Variants in COL4A6 observed in about 807,000 individuals in gnomAD.
The protein encoded by COL4A6 is collagen type IV alpha 6 chain.
A neutral mutation model predicts 126.7 loss-of-function variants in COL4A6; 59 were observed. The observed-to-expected ratio is 0.47, with a 90% CI of 0.38 to 0.58. The LOEUF is 0.58. Ranked by LOEUF, COL4A6 falls within the 20% of genes least tolerant of loss-of-function variation. COL4A6 has a pLI of 0.00. For synonymous variants in COL4A6, 547 were observed against 496.6 expected (o/e 1.10, Z -1.35); for missense variants, 1,285 against 1,337.3 (o/e 0.96, Z 0.61).
At chrX:108,299,321 G>A (rs922645608) in intron 3 of COL4A6, among the ~76,000 whole-genome samples, 3 of 111,869 alleles carry the variant, frequency 2.7e-5, no homozygotes, top group Non-Finnish European at 5.6e-5. Flanking sequence ...TGAGCTTTGT[G>A]AAGTTTAAGG....
chrX:108,187,370 C>G (rs2034901444), intron 22 of COL4A6, 91 bp from the exon 23 acceptor site: 2 of 750,468 alleles, frequency 2.7e-6, no homozygotes, highest in Non-Finnish European at 3.7e-6. Flanking sequence ...GCCAGTGTGA[C>G]CAATGCTTTG....
intron 2 of COL4A6, among the ~76,000 whole-genome samples, chrX:108,356,601 C>A (rs2039966259): frequency 9.0e-6 from 1 of 110,782 alleles, no homozygotes; most frequent in African/African-American, 3.3e-5. Flanking sequence ...CCCTGAGCCC[C>A]AAGACTTAAA....
chrX:108,161,599 CTAA>C lies in COL4A6; in HGVS notation c.4333+17_4333+19del. On this transcript the variant is annotated intron_variant, in intron 42 of 44. Transcript: ENST00000334504. ...CCACCATCCCCGCCCCGCCCGCCTC[CTAA>C]TGTGGCATCATCAGACCTTCAAATC... The C allele has an allele frequency of 1.1e-6, 1 of 887,949 alleles. No homozygotes were observed. The highest frequency in any genetic ancestry group is 2.9e-4 in the Middle Eastern group (1 of 3,447). The allele number at this position is 887,949 out of a possible 1,213,427, so 73.2% of individuals were successfully genotyped here. A position where few individuals can be genotyped will look rare whatever the true frequency, so the allele number is the denominator to read the frequency against.
chrX:108,412,401 T>C (rs189655281), intron 2 of COL4A6, among the ~76,000 whole-genome samples: 6 of 111,816 alleles, frequency 5.4e-5, no homozygotes, highest in African/African-American at 1.9e-4. Context: ...GAACATATAG[T>C]CTCTCACGCT....
chrX:108,160,397 G>A (rs2033884547), intron 43 of COL4A6, 66 bp downstream of exon 43: 40 of 1,050,568 alleles, frequency 3.8e-5, no homozygotes, highest in Non-Finnish European at 4.8e-5. Context: ...TGGGAGAAGA[G>A]AGGGGTTGGC....
chrX:108,382,698 G>C (rs2040584024), intron 2 of COL4A6, among the ~76,000 whole-genome samples: 2 of 110,330 alleles, frequency 1.8e-5, no homozygotes, highest in Admixed American at 1.9e-4. Context: ...TGTAAACCCA[G>C]CACTTTGGCA....
chrX:108,264,694 G>A (rs2037253068), intron 3 of COL4A6, among the ~76,000 whole-genome samples: 1 of 111,814 alleles, frequency 8.9e-6, no homozygotes, highest in African/African-American at 3.2e-5. Context: ...GGGGCCTGTT[G>A]TTTCAACAAG....
intron 3 of COL4A6, among the ~76,000 whole-genome samples, chrX:108,282,825 T>G (rs1413384097): frequency 9.1e-6 from 1 of 109,302 alleles, no homozygotes; most frequent in Non-Finnish European, 1.9e-5. Flanking sequence ...CCATAAAAAA[T>G]GATGAGTTCA....
At position 108,178,076 on chromosome X, in the gene COL4A6, G is replaced by A. The variant is rs955551361; in HGVS notation, c.2515+608C>T. ...GAATAAAAAGGACATTAATGGCTCT[G>A]CAAATAACTCAGCTTCAGTCACTAG... On this transcript the variant is annotated intron_variant, in intron 27 of 44. Coordinates refer to ENST00000334504, the MANE Select transcript of COL4A6 (RefSeq NM_033641.4). Among the ~76,000 whole-genome samples the A allele has an allele frequency of 6.2e-5, 7 of 112,577 alleles. No homozygotes were observed. In the Admixed American group the frequency reaches 6.6e-4, roughly 11 times the overall value.
intron 28 of COL4A6, among the ~76,000 whole-genome samples, chrX:108,176,577 G>A (rs749964759): frequency 1.8e-5 from 2 of 111,676 alleles, no homozygotes; most frequent in Non-Finnish European, 3.8e-5. Flanking sequence ...ATGCAAATGA[G>A]TAAACCCAGT....
intron 3 of COL4A6, among the ~76,000 whole-genome samples, chrX:108,239,010 T>C (rs2036509390): frequency 8.9e-6 from 1 of 112,371 alleles, no homozygotes; most frequent in Admixed American, 9.4e-5. Flanking sequence ...GGTCTGTCCA[T>C]TCTGTGAATA....
chrX:108,367,691 T>G (rs1272007923), intron 2 of COL4A6, among the ~76,000 whole-genome samples: 1 of 112,165 alleles, frequency 8.9e-6, no homozygotes, highest in African/African-American at 3.2e-5. Flanking sequence ...TTGGTCAGGA[T>G]CCATATAATT....
At chrX:108,209,372 C>G (rs2035635155) in intron 8 of COL4A6, among the ~76,000 whole-genome samples, 1 of 111,315 alleles carries the variant, frequency 9.0e-6, no homozygotes, top group African/African-American at 3.3e-5. Flanking sequence ...GGGACTGTGT[C>G]TACATTGTCT....
chrX:108,227,115 GT>G lies in COL4A6; in HGVS notation c.145-5742del, dbSNP rs1160427522. On this transcript the variant is annotated intron_variant, in intron 3 of 44. Transcript: ENST00000334504. ...ACCCAATGTGTGGGCTAGGTTGCCT[GT>G]TTATGTGTCTATACCTCCCAACAGA... Among the ~76,000 whole-genome samples the G allele has an allele frequency of 3.6e-5, 4 of 111,941 alleles. No homozygotes were observed. The East Asian group carries it at 1.1e-3, about 32-fold the overall frequency.
intron 2 of COL4A6, among the ~76,000 whole-genome samples, chrX:108,418,914 G>T (rs758059694): frequency 1.8e-5 from 2 of 112,302 alleles, no homozygotes; most frequent in African/African-American, 3.2e-5. Flanking sequence ...GTGACATTTG[G>T]TTGATATCTT....
intron 3 of COL4A6, among the ~76,000 whole-genome samples, chrX:108,280,372 G>A (rs770962253): frequency 6.3e-5 from 7 of 111,713 alleles, no homozygotes; most frequent in African/African-American, 1.3e-4. Flanking sequence ...ACACCTCTAC[G>A]CAAATAAACT....
At chrX:108,439,032 G>T (rs1326656809), upstream of COL4A6, among the ~76,000 whole-genome samples, 1 of 112,238 alleles carries the variant, frequency 8.9e-6, no homozygotes, top group East Asian at 2.8e-4. Flanking sequence ...GTCTTTATAT[G>T]GGAGATATCG....
intron 3 of COL4A6, among the ~76,000 whole-genome samples, chrX:108,225,767 G>A (rs962418996): frequency 1.8e-5 from 2 of 112,940 alleles, no homozygotes. Flanking sequence ...GAAACTGGTG[G>A]AGGGGGCTGA....
chrX:108,426,284 C>T (rs2064083397), intron 2 of COL4A6, among the ~76,000 whole-genome samples: 2 of 111,863 alleles, frequency 1.8e-5, no homozygotes, highest in African/African-American at 6.5e-5. Flanking sequence ...TCCCAAAAGA[C>T]CAATTCAGCC....
Sources: allele counts gnomAD v4.1 joint callset (sites outside exome capture counted in the v4.1 genomes callset), GRCh38; gene constraint gnomAD v4.1.1; transcripts MANE v1.5; gene names NCBI Gene and HGNC (gene_info 2026-07-23, HGNC 2026-07-21).